The following ZBTB1 variants were observed in gnomAD, a reference collection of about 807,000 sequenced individuals.
The protein encoded by ZBTB1 is zinc finger and BTB domain containing 1.
Under a neutral mutation model 51.6 loss-of-function variants are expected in ZBTB1, and 13 were observed. The ratio of observed to expected loss-of-function variants is 0.25; its 90% confidence interval spans 0.16 to 0.40. ZBTB1 has a LOEUF of 0.40. Among genes scored for constraint, ZBTB1 ranks in the 10% least tolerant of loss-of-function variants. The pLI is 1.00. For synonymous variants in ZBTB1, 240 were observed against 282.2 expected (o/e 0.85, Z 1.50); for missense variants, 567 against 856.5 (o/e 0.66, Z 4.22).
Position 64,523,119 on chromosome 14 carries a change from T to G in ZBTB1, c.1615T>G (p.Cys539Gly), listed in dbSNP as rs748438385. Residue 539 changes from cysteine to glycine, a missense_variant, in exon 2 of 2, where the codon TGT (cysteine) becomes GGT (glycine). By Grantham distance (159) the Cys-to-Gly change is radical. Around this residue, in one of 5 missense-constraint regions of ZBTB1, gnomAD observed 329 missense variants for 406.3 expected, o/e 0.81. Coordinates refer to ENST00000683701, the MANE Select transcript of ZBTB1 (RefSeq NM_001123329.2). The surrounding 1 kb of genome is among the most constrained non-coding windows in gnomAD (Gnocchi z 4.5). ...TGCCTGCCCTTTTCGATGTCCTAAT[T>G]GTGGCCAGCGTTTTGAAACTGAAAA... ...HSACPFRCPN[C>G]GQRFETENLV... 5.6e-6 allele frequency: 9 copies of G among 1,614,070 alleles called. No homozygotes were observed. The highest frequency in any genetic ancestry group is 7.6e-6 in the Non-Finnish European group (9 of 1,180,028).
chr14:64,509,796 C>G (rs1453309786), intron 1 of ZBTB1, among the ~76,000 whole-genome samples: 5 of 151,550 alleles, frequency 3.3e-5, no homozygotes, highest in African/African-American at 1.2e-4. Context: ...ATGGTGAAAC[C>G]CCGTCTCTAC....
downstream of ZBTB1, among the ~76,000 whole-genome samples, chr14:64,528,965 CAT>C (rs890978973): frequency 4.6e-5 from 7 of 152,216 alleles, no homozygotes; most frequent in South Asian, 2.1e-4. Context: ...CCTAGAAACA[CAT>C]GTGATAAAGC....
chr14:64,528,597 C>T (rs1049992723), downstream of ZBTB1, among the ~76,000 whole-genome samples: 2 of 152,010 alleles, frequency 1.3e-5, no homozygotes, highest in African/African-American at 4.8e-5. Flanking sequence ...GGATGAATGC[C>T]AGGAAACTAA....
At chr14:64,510,101 CAG>C (rs2140094700) in intron 1 of ZBTB1, among the ~76,000 whole-genome samples, 1 of 152,236 alleles carries the variant, frequency 6.6e-6, no homozygotes, top group East Asian at 1.9e-4. Context: ...CTTAATATTC[CAG>C]AGAAATGAAA....
downstream of ZBTB1, among the ~76,000 whole-genome samples, chr14:64,529,757 C>T (rs1409560311): frequency 6.6e-6 from 1 of 152,132 alleles, no homozygotes; most frequent in East Asian, 1.9e-4. Flanking sequence ...GGCAACAGAG[C>T]GAGACCCTGT....
upstream of ZBTB1, chr14:64,503,891 TCCCGCCCG>T (rs920717329): frequency 1.3e-5 from 2 of 151,930 alleles, no homozygotes; most frequent in East Asian, 2.0e-4. Flanking sequence ...GTGCGCGCCC[TCCCGCCCG>T]CCCGCCTCAG....
At chr14:64,521,102 A>G (rs949579686) in intron 1 of ZBTB1, among the ~76,000 whole-genome samples, 11 of 152,306 alleles carry the variant, frequency 7.2e-5, no homozygotes, top group African/African-American at 2.6e-4. Flanking sequence ...AGCTCAAGCA[A>G]TCCTCCTGCC....
Position 64,523,519 on chromosome 14 carries a change from C to G in ZBTB1, c.2015C>G (p.Pro672Arg), listed in dbSNP as rs1362228600. 6.3e-7 allele frequency: 1 copy of G among 1,597,238 alleles called. No individual in the cohort carries two copies. The change falls in exon 2 of 2, where the codon CCA (proline) becomes CGA (arginine). Residue 672 changes from proline to arginine, a missense_variant. Physicochemically the swap from Pro to Arg is moderately radical, Grantham distance 103. Transcript: ENST00000683701. This position sits in a 1 kb window ranked among gnomAD's most constrained non-coding sequence, Gnocchi z 4.5. ...TICQVCFQIFPNNEQLEQHMD... is the reference protein window; with the variant it reads ...TICQVCFQIFRNNEQLEQHMD... ...TGCCAGGTCTGCTTTCAGATATTCCCAAATAATGAACAGTTGGAGCAGCAC... is the reference window on the plus strand; with the variant it reads ...TGCCAGGTCTGCTTTCAGATATTCCGAAATAATGAACAGTTGGAGCAGCAC...
intron 2 of ZBTB1, among the ~76,000 whole-genome samples, chr14:64,530,984 T>C (rs1393359635): frequency 1.3e-5 from 2 of 152,222 alleles, no homozygotes; most frequent in Non-Finnish European, 2.9e-5. Flanking sequence ...TAAAAGATTA[T>C]TTCATATCAG....
rs2079885319 is a variant in ZBTB1 at position 64,524,126 on chromosome 14, A to G, written c.*480A>G. ...AGTTAACTACTCTTTATTCCCCCTT[A>G]TTAATGAAATTCATATTCTTAAATT... is the stretch of plus-strand genomic sequence containing the variant. On this transcript the variant is annotated 3_prime_UTR_variant, in exon 2 of 2. Coordinates refer to ENST00000683701, the MANE Select transcript of ZBTB1 (RefSeq NM_001123329.2). The G allele has an allele frequency of 1.0e-6, 1 of 984,766 alleles. No individual in the cohort carries two copies. The highest frequency in any genetic ancestry group is 1.2e-6 in the Non-Finnish European group (1 of 829,482). The allele number at this position is 984,766 out of a possible 1,614,324, so 61.0% of individuals were successfully genotyped here.
Position 64,522,207 on chromosome 14 carries a change from G to T in ZBTB1, c.703G>T (p.Val235Leu). 1 of 1,614,204 alleles carries T rather than the reference G, an allele frequency of 6.2e-7. No homozygotes were observed. The change falls in exon 2 of 2, where the codon GTG becomes TTG. Residue 235 changes from valine (V) to leucine (L), a missense_variant. By Grantham distance (32) the Val-to-Leu change is conservative. This residue lies in a region of ZBTB1 where 329 missense variants were observed against 406.3 expected (regional missense o/e 0.81). Coordinates refer to ENST00000683701, the MANE Select transcript of ZBTB1 (RefSeq NM_001123329.2). ...FSCEKLLDEH[V>L]LTCTNRHLYQ... Reference sequence around the variant, plus strand: ...CTGTGAAAAATTATTAGATGAGCATGTGCTAACCTGTACTAACAGACATTT... The same window carrying T: ...CTGTGAAAAATTATTAGATGAGCATTTGCTAACCTGTACTAACAGACATTT...
rs372959610 is a variant in ZBTB1 at position 64,522,797 on chromosome 14, C to T, written c.1293C>T (p.Thr431=). The T allele has an allele frequency of 3.0e-5, 49 of 1,614,010 alleles. No homozygotes were observed. Among genetic ancestry groups the T allele is most frequent in the African/African-American group, 5.3e-5 (4 of 74,898 alleles). ...GTGAGCTGTGTGGACTTACAATAAC[C>T]GAGGAGGACCTGTCATCTCATTACT... ...ASCELCGLTI[T]EEDLSSHYLA... Residue 431 remains threonine, a synonymous_variant, in exon 2 of 2, where the codon ACC becomes ACT. Transcript: ENST00000683701.
chr14:64,517,625 C>A (rs1414903258), intron 1 of ZBTB1, among the ~76,000 whole-genome samples: 1 of 150,876 alleles, frequency 6.6e-6, no homozygotes, highest in Non-Finnish European at 1.5e-5. Flanking sequence ...CATCTTTTTT[C>A]CCCCCACCTT....
chr14:64,513,126 C>T (rs2079742621), intron 1 of ZBTB1, among the ~76,000 whole-genome samples: 1 of 151,820 alleles, frequency 6.6e-6, no homozygotes, highest in Non-Finnish European at 1.5e-5. Context: ...AAAATGATAC[C>T]TATATATGGA....
downstream of ZBTB1, among the ~76,000 whole-genome samples, chr14:64,529,381 G>A (rs958197577): frequency 6.6e-6 from 1 of 152,074 alleles, no homozygotes; most frequent in African/African-American, 2.4e-5. Context: ...TGAGTTGAAG[G>A]ACTCAAATCA....
At chr14:64,504,726 A>G, upstream of ZBTB1, 1 of 373,130 alleles carries the variant, frequency 2.7e-6, no homozygotes, top group Non-Finnish European at 4.8e-6. Context: ...GGGCCGGCTC[A>G]GTGCGGTGCG....
chr14:64,513,764 G>A (rs2079751104), intron 1 of ZBTB1, among the ~76,000 whole-genome samples: 1 of 152,084 alleles, frequency 6.6e-6, no homozygotes, highest in Non-Finnish European at 1.5e-5. Flanking sequence ...AGGTTCAAGC[G>A]ATTCTCCTGC....
At chr14:64,510,260 T>TA (rs1399772226) in intron 1 of ZBTB1, among the ~76,000 whole-genome samples, 1 of 152,200 alleles carries the variant, frequency 6.6e-6, no homozygotes, top group Non-Finnish European at 1.5e-5. Context: ...CATCCCTTCT[T>TA]AGAGAATTGA....
chr14:64,521,660 T>G lies in ZBTB1; in HGVS notation c.156T>G (p.Phe52Leu), dbSNP rs1287927973. 6.2e-7 allele frequency: 1 copy of G among 1,614,206 alleles called. No homozygotes were observed. The highest frequency in any genetic ancestry group is 8.5e-7 in the Non-Finnish European group (1 of 1,180,046). Residue 52 changes from phenylalanine to leucine, a missense_variant, in exon 2 of 2, where the codon TTT becomes TTG. By Grantham distance (22) the Phe-to-Leu change is conservative. Around this residue, in one of 5 missense-constraint regions of ZBTB1, gnomAD observed 69 missense variants for 136.4 expected, o/e 0.51. Coordinates refer to ENST00000683701, the MANE Select transcript of ZBTB1 (RefSeq NM_001123329.2). The stretch of plus-strand genomic sequence containing the variant: ...CCTGTAGCTCCTATTTTAGAATGTT[T>G]TTCATGAACCATCAGCATAGTACTG... ...LAACSSYFRM[F>L]FMNHQHSTAQ...
Sources: allele counts gnomAD v4.1 joint callset (sites outside exome capture counted in the v4.1 genomes callset), GRCh38; gene constraint gnomAD v4.1.1; regional missense constraint gnomAD v4.1.1; non-coding constraint Gnocchi (gnomAD v3.1); transcripts MANE v1.5; gene names NCBI Gene and HGNC (gene_info 2026-07-23, HGNC 2026-07-21).